The following LUZP2 variants were observed in gnomAD, a reference collection of about 807,000 sequenced individuals.
LUZP2 encodes the protein leucine zipper protein 2.
Under a neutral mutation model 51.6 loss-of-function variants are expected in LUZP2, and 52 were observed. The observed-to-expected ratio is 1.01, with a 90% CI of 0.81 to 1.27. LUZP2 has a LOEUF of 1.27. Among genes scored for constraint, LUZP2 ranks in the 50% most tolerant of loss-of-function variants. The pLI is 0.00. For synonymous variants in LUZP2, 154 were observed against 137.3 expected (o/e 1.12, Z -0.85); for missense variants, 436 against 395.4 (o/e 1.10, Z -0.87).
At chr11:24,834,097 C>G (rs2631487) in intron 5 of LUZP2, among the ~76,000 whole-genome samples, 23,770 of 149,444 alleles carry the variant, frequency 0.16, 2,060 homozygotes, top group African/African-American at 0.22. Context: ...ATTTTTTTTT[C>G]TTTAAGTTCC....
chr11:24,889,061 A>G (rs1316479516), intron 5 of LUZP2, among the ~76,000 whole-genome samples: 1 of 152,160 alleles, frequency 6.6e-6, no homozygotes, highest in African/African-American at 2.4e-5. Flanking sequence ...TCCAATTGAG[A>G]GGTATTCCCT....
intron 4 of LUZP2, among the ~76,000 whole-genome samples, chr11:24,753,941 G>A (rs1590455324): frequency 6.6e-6 from 1 of 152,036 alleles, no homozygotes; most frequent in East Asian, 1.9e-4. Flanking sequence ...AAACTGGTTT[G>A]GGGCCCTTTA....
intron 4 of LUZP2, among the ~76,000 whole-genome samples, chr11:24,756,086 G>A (rs1391822077): frequency 6.6e-6 from 1 of 152,028 alleles, no homozygotes; most frequent in Non-Finnish European, 1.5e-5. Flanking sequence ...TTAACCCCAA[G>A]CATTTCTTTC....
chr11:24,730,031 C>A lies in LUZP2; in HGVS notation c.180+745C>A, dbSNP rs1036621179. ...AGACACTATTAGTTACTGAACTGAA[C>A]CATGTTTTTAAACCATGTGGAGTCG... On this transcript the variant is annotated intron_variant, in intron 2 of 11. Transcript: ENST00000336930. 5.3e-5 allele frequency among the ~76,000 whole-genome samples: 8 copies of A among 151,726 alleles called. No individual in the cohort carries two copies. The South Asian group carries it at 1.7e-3, about 32-fold the overall frequency.
At chr11:24,511,660 T>C (rs1850315645) in intron 1 of LUZP2, among the ~76,000 whole-genome samples, 2 of 152,204 alleles carry the variant, frequency 1.3e-5, no homozygotes, top group Non-Finnish European at 2.9e-5. Context: ...AGGTGACTAC[T>C]TTAAAGGCAA....
chr11:24,574,337 GCTTCCTTCCTTTCCTCCCTCCCTCCCTC>G (rs1852565004), intron 1 of LUZP2, among the ~76,000 whole-genome samples: 1 of 71,820 alleles, frequency 1.4e-5, no homozygotes, highest in African/African-American at 5.6e-5. Context: ...TCCCTCCCTT[GCTTCCTTCCTTTCCTCCCTCCCTCCCTC>G]CTTCCTTCCT....
chr11:24,919,957 A>G (rs1853979354), intron 7 of LUZP2, among the ~76,000 whole-genome samples: 1 of 151,762 alleles, frequency 6.6e-6, no homozygotes, highest in African/African-American at 2.4e-5. Flanking sequence ...AAATTTTATG[A>G]ATGAATAAGT....
At chr11:24,973,524 G>A (rs1046113979) in intron 7 of LUZP2, among the ~76,000 whole-genome samples, 1 of 151,692 alleles carries the variant, frequency 6.6e-6, no homozygotes, top group African/African-American at 2.4e-5. Context: ...TCTTTAAGTT[G>A]TGTTGTCACG....
At chr11:24,922,360 G>T (rs1018021215) in intron 7 of LUZP2, among the ~76,000 whole-genome samples, 2 of 152,138 alleles carry the variant, frequency 1.3e-5, no homozygotes, top group Admixed American at 1.3e-4. Flanking sequence ...TTCCATGTAT[G>T]TATAACAGAG....
intron 1 of LUZP2, among the ~76,000 whole-genome samples, chr11:24,721,347 AAAG>A (rs939786039): frequency 1.3e-4 from 18 of 136,636 alleles, no homozygotes; most frequent in African/African-American, 4.5e-4. Context: ...TGTAAAAGAA[AAAG>A]AAGAAGAATA....
chr11:24,631,396 G>GA (rs1393735081), intron 1 of LUZP2, among the ~76,000 whole-genome samples: 1 of 144,612 alleles, frequency 6.9e-6, no homozygotes, highest in Non-Finnish European at 1.5e-5. Context: ...TTTCTTTATT[G>GA]TTTTTTTTTT....
chr11:24,916,597 T>C (rs1853797750), intron 7 of LUZP2, among the ~76,000 whole-genome samples: 1 of 152,088 alleles, frequency 6.6e-6, no homozygotes, highest in Non-Finnish European at 1.5e-5. Context: ...TGGTTTTTTG[T>C]CCTTGAGATA....
At chr11:24,740,481 C>T (rs1384303335) in intron 4 of LUZP2, among the ~76,000 whole-genome samples, 1 of 152,070 alleles carries the variant, frequency 6.6e-6, no homozygotes, top group African/African-American at 2.4e-5. Flanking sequence ...TTCACTAAAC[C>T]AGAAACTTCC....
chr11:25,072,646 C>T (rs113711571), intron 10 of LUZP2, among the ~76,000 whole-genome samples: 1 of 152,016 alleles, frequency 6.6e-6, no homozygotes, highest in Non-Finnish European at 1.5e-5. Context: ...CTCTCAGTGA[C>T]CCCACCTCTT....
intron 10 of LUZP2, among the ~76,000 whole-genome samples, chr11:25,071,024 C>T (rs11028398): frequency 0.37 from 55,993 of 151,572 alleles, 12,519 homozygotes; most frequent in East Asian, 0.78. Flanking sequence ...TAAACTGACA[C>T]GAAACCATTC....
rs543764110 is a variant in LUZP2, at chr11:24,860,954, T to A, written c.397-45037T>A. Among the ~76,000 whole-genome samples the A allele has an allele frequency of 5.9e-5, 9 of 152,176 alleles. No individual in the cohort carries two copies. The South Asian group carries it at 1.9e-3, about 32-fold the overall frequency. Reference sequence around the variant, plus strand: ...CAAGGGTGCAGAACTGGATGGAGGATCAGATGGATGAATTAACAGAAGTAG... The same window carrying A: ...CAAGGGTGCAGAACTGGATGGAGGAACAGATGGATGAATTAACAGAAGTAG... On this transcript the variant is annotated intron_variant, in intron 5 of 11. Coordinates refer to ENST00000336930, the MANE Select transcript of LUZP2 (RefSeq NM_001009909.4).
At chr11:24,635,039 G>T (rs960801783) in intron 1 of LUZP2, among the ~76,000 whole-genome samples, 1 of 152,030 alleles carries the variant, frequency 6.6e-6, no homozygotes, top group East Asian at 1.9e-4. Context: ...TTACCAGGAA[G>T]CGTGGGATGG....
chr11:24,710,849 T>C (rs1857785891), intron 1 of LUZP2, among the ~76,000 whole-genome samples: 1 of 151,022 alleles, frequency 6.6e-6, no homozygotes, highest in Admixed American at 6.6e-5. Flanking sequence ...ATTTCTGATA[T>C]TCAAGCATAG....
intron 1 of LUZP2, among the ~76,000 whole-genome samples, chr11:24,631,305 T>C (rs906052289): frequency 1.3e-5 from 2 of 151,968 alleles, no homozygotes; most frequent in African/African-American, 4.8e-5. Flanking sequence ...CCACTTACTA[T>C]GATGTTGGCT....
Sources: allele counts gnomAD v4.1 joint callset (sites outside exome capture counted in the v4.1 genomes callset), GRCh38; gene constraint gnomAD v4.1.1; transcripts MANE v1.5; gene names NCBI Gene and HGNC (gene_info 2026-07-23, HGNC 2026-07-21).